Variants in ZSCAN23 observed in about 807,000 individuals in gnomAD.
ZSCAN23 encodes the protein zinc finger and SCAN domain containing 23.
A neutral mutation model predicts 19.3 loss-of-function variants in ZSCAN23; 19 were observed. The ratio of observed to expected loss-of-function variants is 0.99; its 90% CI spans 0.69 to 1.45. The LOEUF (loss-of-function observed/expected upper bound fraction) is 1.45. ZSCAN23 is among the 40% of genes most tolerant of loss of function. ZSCAN23 has a pLI of 0.00. For synonymous variants in ZSCAN23, 140 were observed against 166.2 expected (o/e 0.84, Z 1.21); for missense variants, 372 against 462.5 (o/e 0.80, Z 1.79).
chr6:28,442,229 C>T (rs1278908193), intron 1 of ZSCAN23, among the ~76,000 whole-genome samples: 1 of 152,100 alleles, frequency 6.6e-6, no homozygotes, highest in Non-Finnish European at 1.5e-5. Context: ...TTTTTCTAAG[C>T]CTCAAGCTCA....
chr6:28,436,259 A>T lies in ZSCAN23; in HGVS notation c.8T>A (p.Ile3Lys), dbSNP rs1189497070. The T allele has an allele frequency of 6.5e-7, 1 of 1,542,348 alleles. No individual in the cohort carries two copies. The highest frequency in any genetic ancestry group is 2.5e-5 in the East Asian group (1 of 40,796). ...CTCTGCAGTCTGAAGGGTCAAGGTT[A>T]TGGCCATCAAAGGTTTAACTATTCA... The part of the protein sequence containing the change: MA[I>K]TLTLQTAEMQ... Residue 3 changes from isoleucine (I) to lysine (K), a missense_variant, in exon 2 of 4, where the codon ATA (isoleucine) becomes AAA (lysine). Coordinates refer to ENST00000289788, the MANE Select transcript of ZSCAN23 (RefSeq NM_001012455.2).
rs897982110 is a variant in ZSCAN23 at position 28,433,405 on chromosome 6, G to C, written c.*1060C>G. On this transcript the variant is annotated 3_prime_UTR_variant, in exon 4 of 4. Coordinates refer to ENST00000289788, the MANE Select transcript of ZSCAN23 (RefSeq NM_001012455.2). ...CAGAAGTGATCTCTAAGGTCCCTTA[G>C]AGTGATTCTGTTATTCTAAAGTTAC... is the stretch of plus-strand genomic sequence containing the variant. 2.0e-5 allele frequency: 3 copies of C among 152,094 alleles called. No individual in the cohort carries two copies. The highest frequency in any genetic ancestry group is 7.2e-5 in the African/African-American group (3 of 41,444). The allele number at this position is 152,094 out of a possible 1,614,324, so 9.4% of individuals were successfully genotyped here.
downstream of ZSCAN23, among the ~76,000 whole-genome samples, chr6:28,429,728 TGA>T (rs1004748727): frequency 1.3e-5 from 2 of 152,102 alleles, no homozygotes; most frequent in African/African-American, 4.8e-5. Flanking sequence ...ATCCTGATCC[TGA>T]GAGATCTACG....
chr6:28,442,759 C>T (rs1013167483), intron 1 of ZSCAN23, among the ~76,000 whole-genome samples: 3 of 152,154 alleles, frequency 2.0e-5, no homozygotes, highest in African/African-American at 7.2e-5. Flanking sequence ...ACTCGCTCTA[C>T]GACCTTGGGC....
At chr6:28,424,015 A>G in the ZSCAN23 span, among the ~76,000 whole-genome samples, 215 of 152,370 alleles carry the variant, frequency 1.4e-3, no homozygotes, top group African/African-American at 5.1e-3. Context: ...TGATTATCAA[A>G]AACAATAGGT....
At position 28,434,423 on chromosome 6, in the gene ZSCAN23, G is replaced by A. The variant is rs1761824748; in HGVS notation, c.*42C>T. 6.7e-7 allele frequency: 1 copy of A among 1,487,096 alleles called. No homozygotes were observed. Among genetic ancestry groups the A allele is most frequent in the South Asian group, 1.4e-5 (1 of 73,190 alleles). The allele number at this position is 1,487,096 out of a possible 1,614,324, so 92.1% of individuals were successfully genotyped here. A position where few individuals can be genotyped will look rare whatever the true frequency, so the allele number is the denominator to read the frequency against. On this transcript the variant is annotated 3_prime_UTR_variant, in exon 4 of 4. Coordinates refer to ENST00000289788, the MANE Select transcript of ZSCAN23 (RefSeq NM_001012455.2). ...CTTTTCTATGCTAGAGGACACAGCA[G>A]GGACAAAGTAAGAAATATTATCCCC...
At chr6:28,421,426 T>G in the ZSCAN23 span, among the ~76,000 whole-genome samples, 8 of 152,134 alleles carry the variant, frequency 5.3e-5, no homozygotes, top group African/African-American at 1.7e-4. Flanking sequence ...CCAGCTTTAT[T>G]AAATGAAGAA....
the ZSCAN23 span, among the ~76,000 whole-genome samples, chr6:28,426,278 A>C: frequency 6.6e-6 from 1 of 152,198 alleles, no homozygotes; most frequent in Non-Finnish European, 1.5e-5. Context: ...ACTAAGCTTA[A>C]TCATTTCTAG....
chr6:28,421,933 A>G, the ZSCAN23 span, among the ~76,000 whole-genome samples: 11 of 152,208 alleles, frequency 7.2e-5, no homozygotes, highest in African/African-American at 2.4e-4. Context: ...TGGAAAATTG[A>G]TATTAAGGAA....
rs192872804 is a variant in ZSCAN23 at position 28,434,558 on chromosome 6, T to C, written c.1077A>G (p.Arg359=). 1,719 of 1,554,192 alleles carry C rather than the reference T, an allele frequency of 1.1e-3. 4 individuals carry two copies. Among genetic ancestry groups the C allele is most frequent in the Middle Eastern group, 3.5e-3 (21 of 5,994 alleles). ...TGCCACATTCTTCACATTCATAAGG[T>C]CTCTCTCCAGTGTGAATTCTCTGAT... ...IKHQRIHTGE[R]PYECEECGKN... The change falls in exon 4 of 4, where the codon AGA becomes AGG. Residue 359 remains arginine, a synonymous_variant. Transcript: ENST00000289788.
chr6:28,430,334 C>CCCT (rs1761738462), downstream of ZSCAN23, among the ~76,000 whole-genome samples: 1 of 152,086 alleles, frequency 6.6e-6, no homozygotes, highest in Admixed American at 6.5e-5. Context: ...CCTCCCACAG[C>CCCT]CCTAGTCATG....
chr6:28,435,695 G>A, intron 2 of ZSCAN23, 88 bp from the exon 3 acceptor site: 1 of 1,451,112 alleles, frequency 6.9e-7, no homozygotes, highest in Non-Finnish European at 9.1e-7. Flanking sequence ...AGAAAAGAAG[G>A]ACCAAGAAGC....
chr6:28,429,599 TG>T (rs754057596), downstream of ZSCAN23, among the ~76,000 whole-genome samples: 18 of 152,288 alleles, frequency 1.2e-4, no homozygotes, highest in African/African-American at 1.2e-4. Flanking sequence ...GCCTCCTTGC[TG>T]GTAAGTCTGT....
At chr6:28,442,935 C>G (rs1762031600) in intron 1 of ZSCAN23, among the ~76,000 whole-genome samples, 1 of 152,086 alleles carries the variant, frequency 6.6e-6, no homozygotes, top group East Asian at 1.9e-4. Context: ...ATAGTAGATG[C>G]TATTTATTCT....
intron 1 of ZSCAN23, among the ~76,000 whole-genome samples, chr6:28,438,085 G>T (rs913723777): frequency 4.1e-5 from 6 of 147,824 alleles, no homozygotes; most frequent in South Asian, 2.1e-4. Context: ...TATTCTGTTT[G>T]TTGTTTTTTG....
chr6:28,440,532 T>C (rs1383554071), intron 1 of ZSCAN23, among the ~76,000 whole-genome samples: 2 of 148,120 alleles, frequency 1.4e-5, no homozygotes, highest in Non-Finnish European at 3.1e-5. Flanking sequence ...AAATATCAAA[T>C]AGCTAAATCC....
chr6:28,434,693 G>A lies in ZSCAN23; in HGVS notation c.942C>T (p.Phe314=). ...RYQCSVCGKA[F]SQNAGLFHHL... ...GATGGAAAAGCCCGGCATTCTGGCT[G>A]AAGGCTTTGCCACAAACACTGCACT... Residue 314 remains phenylalanine, a synonymous_variant, in exon 4 of 4, where the codon TTC becomes TTT. Transcript: ENST00000289788. 6.3e-7 allele frequency: 1 copy of A among 1,584,890 alleles called. No individual in the cohort carries two copies. Among genetic ancestry groups the A allele is most frequent in the Non-Finnish European group, 8.6e-7 (1 of 1,165,294 alleles).
chr6:28,443,246 C>T (rs1317235047), intron 1 of ZSCAN23, among the ~76,000 whole-genome samples, 153 bp downstream of exon 1: 1 of 152,142 alleles, frequency 6.6e-6, no homozygotes, highest in African/African-American at 2.4e-5. Flanking sequence ...AAAGCCCTTC[C>T]AGGCTGCGGA....
chr6:28,422,918 C>T, the ZSCAN23 span, among the ~76,000 whole-genome samples: 6 of 152,180 alleles, frequency 3.9e-5, no homozygotes, highest in Admixed American at 6.6e-5. This position sits in a 1 kb window ranked among gnomAD's most constrained non-coding sequence, Gnocchi z 4.0. Flanking sequence ...TCCTCCTCAG[C>T]GTTCTCCTTA....
Sources: gnomAD v4.1 joint callset for allele counts (sites outside exome capture counted in the v4.1 genomes callset) on GRCh38, gnomAD v4.1.1 for gene constraint, Gnocchi (gnomAD v3.1) non-coding constraint, MANE v1.5 for transcripts, NCBI Gene and HGNC (gene_info 2026-07-23, HGNC 2026-07-21) for gene names.